PHACTR3: variants seen among roughly 807,000 people sequenced by gnomAD.
PHACTR3 encodes the protein protein phosphatase 1, regulatory subunit 123.
In PHACTR3, 16 loss-of-function variants were observed where a neutral mutation model predicts 66.8. That is an observed-to-expected ratio of 0.24 (90% CI 0.16 to 0.36). The LOEUF is 0.36. PHACTR3 is among the 10% of genes least tolerant of loss of function. The probability of loss-of-function intolerance (pLI) is 1.00; values close to 1 mark genes in which losing one functional copy is unlikely to be tolerated. For synonymous variants in PHACTR3, 323 were observed against 292.1 expected (o/e 1.11, Z -1.08); for missense variants, 647 against 719.9 (o/e 0.90, Z 1.16).
intron 9 of PHACTR3, among the ~76,000 whole-genome samples, chr20:59,839,970 ATACATT>A (rs1023753522): frequency 1.6e-4 from 24 of 152,212 alleles, no homozygotes; most frequent in African/African-American, 5.3e-4. Flanking sequence ...AAATGTACAT[ATACATT>A]TATTTACTTA....
At chr20:59,682,198 G>T (rs956674080) in intron 1 of PHACTR3, among the ~76,000 whole-genome samples, 5 of 152,030 alleles carry the variant, frequency 3.3e-5, no homozygotes, top group Non-Finnish European at 5.9e-5. Flanking sequence ...AAATTAGCTG[G>T]GTGTGGTGGC....
At chr20:59,610,388 G>A (rs2146343023) in intron 1 of PHACTR3, among the ~76,000 whole-genome samples, 1 of 152,324 alleles carries the variant, frequency 6.6e-6, no homozygotes, top group Admixed American at 6.5e-5. Flanking sequence ...CAACAGACAT[G>A]AGGAAGTCAG....
chr20:59,628,714 T>C lies in PHACTR3; in HGVS notation c.118+23582T>C. ...TGCCTGTGCTCTGGAAGATTCCCCA[T>C]AGTACCTACTAGGTGGGCCAGAGAA... is the stretch of plus-strand genomic sequence containing the variant. On this transcript the variant is annotated intron_variant, in intron 1 of 12. Coordinates refer to ENST00000371015, the MANE Select transcript of PHACTR3 (RefSeq NM_080672.5). 7.1e-6 allele frequency: 7 copies of C among 985,436 alleles called. No individual in the cohort carries two copies. The South Asian group carries it at 3.3e-4, about 46-fold the overall frequency. The allele number at this position is 985,436 out of a possible 1,614,324, so 61.0% of individuals were successfully genotyped here. A position where few individuals can be genotyped will look rare whatever the true frequency, so the allele number is the denominator to read the frequency against.
At chr20:59,777,504 A>G (rs959568348) in intron 7 of PHACTR3, among the ~76,000 whole-genome samples, 1 of 152,146 alleles carries the variant, frequency 6.6e-6, no homozygotes, top group East Asian at 1.9e-4. Context: ...TGTGCTGTGA[A>G]GCTTGGACTT....
At chr20:59,676,878 A>G in intron 1 of PHACTR3, 1 of 226,344 alleles carries the variant, frequency 4.4e-6, no homozygotes, top group Non-Finnish European at 6.5e-6. Flanking sequence ...GGGCCCTAAG[A>G]GAATGGCTTT....
At chr20:59,640,384 G>A (rs1038623791) in intron 1 of PHACTR3, among the ~76,000 whole-genome samples, 18 of 152,202 alleles carry the variant, frequency 1.2e-4, no homozygotes, top group African/African-American at 4.3e-4. Context: ...ATCCTGGTTG[G>A]ATGTGAGCTG....
chr20:59,685,757 G>A (rs1301891749), intron 1 of PHACTR3, among the ~76,000 whole-genome samples: 5 of 152,200 alleles, frequency 3.3e-5, no homozygotes, highest in African/African-American at 1.2e-4. Flanking sequence ...GTCACTTGCT[G>A]AGAGCAGCCC....
chr20:59,805,917 C>T (rs1388585097), intron 7 of PHACTR3, 124 bp from the exon 8 acceptor site: 1 of 1,041,030 alleles, frequency 9.6e-7, no homozygotes, highest in Non-Finnish European at 1.4e-6. Flanking sequence ...CAGTTCTAGC[C>T]ACCATCACCC....
At chr20:59,840,790 T>G (rs747950021) in intron 10 of PHACTR3, among the ~76,000 whole-genome samples, 4 of 152,260 alleles carry the variant, frequency 2.6e-5, no homozygotes, top group African/African-American at 4.8e-5. Context: ...TTTACACTCA[T>G]CGCTTTTGTT....
Position 59,639,106 on chromosome 20 carries a change from C to T in PHACTR3, c.118+33974C>T, listed in dbSNP as rs113891523. On this transcript the variant is annotated intron_variant, in intron 1 of 12. Coordinates refer to ENST00000371015, the MANE Select transcript of PHACTR3 (RefSeq NM_080672.5). ...ATGGATGGATGGATGGATGGGTAGA[C>T]GGATGTATGGGTTGATGATGGCTAG... is the stretch of plus-strand genomic sequence containing the variant. Among the ~76,000 whole-genome samples, 118 of 106,462 alleles carry T rather than the reference C, an allele frequency of 1.1e-3. No individual in the cohort carries two copies. In the Middle Eastern group the frequency reaches 0.025, roughly 22 times the overall value. The allele number at this position is 106,462 out of a possible 152,430, so 69.8% of individuals were successfully genotyped here.
chr20:59,743,486 G>A (rs2039250054), intron 2 of PHACTR3, among the ~76,000 whole-genome samples: 1 of 152,210 alleles, frequency 6.6e-6, no homozygotes, highest in African/African-American at 2.4e-5. Context: ...TTGGCACCAG[G>A]CACCCCATGT....
chr20:59,643,069 G>A (rs995165382), intron 1 of PHACTR3, among the ~76,000 whole-genome samples: 6 of 152,192 alleles, frequency 3.9e-5, no homozygotes, highest in Non-Finnish European at 7.4e-5. Context: ...CCGCCACCAT[G>A]CCCAGCTAAT....
intron 1 of PHACTR3, among the ~76,000 whole-genome samples, chr20:59,661,579 G>GC (rs2035807117): frequency 6.6e-6 from 1 of 152,152 alleles, no homozygotes; most frequent in Non-Finnish European, 1.5e-5. Context: ...TGGTTCTTCA[G>GC]CCCCATGGCA....
At chr20:59,727,318 A>G (rs2146704946) in intron 1 of PHACTR3, among the ~76,000 whole-genome samples, 1 of 152,104 alleles carries the variant, frequency 6.6e-6, no homozygotes, top group African/African-American at 2.4e-5. Flanking sequence ...TGGATAGACT[A>G]TACTTGATGT....
At chr20:59,677,330 C>G (rs1243503557) in intron 1 of PHACTR3, among the ~76,000 whole-genome samples, 1 of 152,160 alleles carries the variant, frequency 6.6e-6, no homozygotes, top group African/African-American at 2.4e-5. Context: ...GGATCTCCAC[C>G]ACTGAACCCT....
intron 1 of PHACTR3, among the ~76,000 whole-genome samples, chr20:59,638,415 G>A (rs2034970133): frequency 6.6e-6 from 1 of 150,510 alleles, no homozygotes; most frequent in Non-Finnish European, 1.5e-5. Context: ...TGGGTGGGTG[G>A]ATGAATGGAT....
At chr20:59,799,428 A>G (rs2041349677) in intron 7 of PHACTR3, among the ~76,000 whole-genome samples, 1 of 152,086 alleles carries the variant, frequency 6.6e-6, no homozygotes, top group Admixed American at 6.5e-5. Flanking sequence ...CAATTCTGTC[A>G]CTTTTTGCTT....
chr20:59,606,644 C>T (rs6026995), intron 1 of PHACTR3, among the ~76,000 whole-genome samples: 14,646 of 152,170 alleles, frequency 0.096, 1,350 homozygotes, highest in East Asian at 0.32. Context: ...TTCTAAGCTC[C>T]CTTTGTCTCC....
intron 9 of PHACTR3, among the ~76,000 whole-genome samples, chr20:59,838,730 A>T (rs2145502797): frequency 6.6e-6 from 1 of 152,340 alleles, no homozygotes; most frequent in South Asian, 2.1e-4. Context: ...TGGAAGTCTC[A>T]GGTATAACTG....
Sources: allele counts gnomAD v4.1 joint callset (sites outside exome capture counted in the v4.1 genomes callset), GRCh38; gene constraint gnomAD v4.1.1; transcripts MANE v1.5; gene names NCBI Gene and HGNC (gene_info 2026-07-23, HGNC 2026-07-21).